CTNND1: variants seen among roughly 807,000 people sequenced by gnomAD.
CTNND1 encodes the protein catenin delta-1.
A neutral mutation model predicts 112.1 loss-of-function variants in CTNND1; 16 were observed. That is an observed-to-expected ratio of 0.14 (90% CI 0.10 to 0.22). CTNND1 has a LOEUF of 0.22. Ranked by LOEUF, CTNND1 falls within the 10% of genes least tolerant of loss-of-function variation. The pLI, the probability that CTNND1 is intolerant of heterozygous loss-of-function variation, is 1.00. For synonymous variants in CTNND1, 420 were observed against 446.5 expected, an observed-to-expected ratio of 0.94 and a Z score of 0.75; for missense variants, 1,008 against 1,257.0, an observed-to-expected ratio of 0.80 and a Z score of 3.00.
intron 1 of CTNND1, among the ~76,000 whole-genome samples, chr11:57,765,460 A>ATTTTTTTT (rs5792061): frequency 1.9e-5 from 2 of 105,598 alleles, no homozygotes; most frequent in African/African-American, 3.5e-5. Flanking sequence ...TCCTCCCTTA[A>ATTTTTTTT]TTTTTTTTTT....
At chr11:57,813,333 C>T (rs2063587544) in intron 17 of CTNND1, among the ~76,000 whole-genome samples, 1 of 152,080 alleles carries the variant, frequency 6.6e-6, no homozygotes, top group African/African-American at 2.4e-5. Flanking sequence ...TCAAAAAATA[C>T]ATGATTAAAA....
chr11:57,807,005 C>G, intron 12 of CTNND1, 22 bp downstream of exon 12: 5 of 1,555,886 alleles, frequency 3.2e-6, no homozygotes, highest in Non-Finnish European at 4.4e-6. Flanking sequence ...TCTCAGTCTC[C>G]AAAGGTCTCA....
chr11:57,776,192 C>T (rs572246611), intron 1 of CTNND1, among the ~76,000 whole-genome samples: 5 of 152,212 alleles, frequency 3.3e-5, no homozygotes, highest in African/African-American at 1.2e-4. Context: ...ACTGACCAGT[C>T]AATTGTATTA....
intron 1 of CTNND1, among the ~76,000 whole-genome samples, chr11:57,771,124 G>A (rs938285887): frequency 6.6e-6 from 1 of 151,598 alleles, no homozygotes; most frequent in Non-Finnish European, 1.5e-5. Flanking sequence ...TATAGAAAAA[G>A]AAAAGAAAGT....
At chr11:57,810,664 G>T (rs2063230267) in intron 16 of CTNND1, among the ~76,000 whole-genome samples, 2 of 151,694 alleles carry the variant, frequency 1.3e-5, no homozygotes, top group Admixed American at 1.3e-4. Context: ...TCTTAATTAG[G>T]AATTATTTGG....
chr11:57,794,694 A>C (rs950093967), intron 4 of CTNND1, among the ~76,000 whole-genome samples: 1 of 151,840 alleles, frequency 6.6e-6, no homozygotes, highest in Non-Finnish European at 1.5e-5. Context: ...CTGAGGCAGG[A>C]GAATTGCTTG....
chr11:57,816,130 T>C, intron 20 of CTNND1, 129 bp downstream of exon 20: 1 of 1,144,608 alleles, frequency 8.7e-7, no homozygotes, highest in Non-Finnish European at 1.3e-6. Flanking sequence ...GCTCGAGGGG[T>C]TCTGCTTTTG....
chr11:57,782,306 G>A (rs2059662882), intron 1 of CTNND1, among the ~76,000 whole-genome samples: 2 of 152,102 alleles, frequency 1.3e-5, no homozygotes, highest in Non-Finnish European at 2.9e-5. Flanking sequence ...GAGATTCCTG[G>A]TGGACACCTA....
chr11:57,807,627 A>AAAAAAAAAAAAAAG (rs1565367494), intron 12 of CTNND1, among the ~76,000 whole-genome samples: 2 of 141,340 alleles, frequency 1.4e-5, no homozygotes, highest in Admixed American at 7.1e-5. Context: ...AAAAAAAAAA[A>AAAAAAAAAAAAAAG]AAAAGAAAAG....
At position 57,801,929 on chromosome 11, in the gene CTNND1, A is replaced by G. The variant is rs754209496; in HGVS notation, c.1153A>G (p.Asn385Asp). The G allele has an allele frequency of 6.2e-7, 1 of 1,614,042 alleles. No individual in the cohort carries two copies. Among genetic ancestry groups the G allele is most frequent in the Non-Finnish European group, 8.5e-7 (1 of 1,179,908 alleles). ...ATTCCGCTTGGATGCTGTCAAGTCC[A>G]ATGCAGCTGCATACCTGCAACACTT... ...LGFRLDAVKS[N>D]AAAYLQHLCY... Residue 385 changes from asparagine (N) to aspartate (D), a missense_variant, in exon 7 of 21, where the codon AAT (asparagine) becomes GAT (aspartate). Asn to Asp is a conservative substitution (Grantham distance 23). Transcript: ENST00000399050.
At chr11:57,793,396 G>T (rs1326994252) in intron 3 of CTNND1, among the ~76,000 whole-genome samples, 1 of 152,116 alleles carries the variant, frequency 6.6e-6, no homozygotes, top group African/African-American at 2.4e-5. Flanking sequence ...GGGGAGTTGG[G>T]GTGCTTGTTT....
At chr11:57,786,350 G>A (rs1453723538) in intron 1 of CTNND1, among the ~76,000 whole-genome samples, 6 of 152,108 alleles carry the variant, frequency 3.9e-5, no homozygotes, top group African/African-American at 9.6e-5. Context: ...TGGCTGACAC[G>A]GTGAAACCCC....
At chr11:57,791,906 C>T (rs370389062) in intron 3 of CTNND1, among the ~76,000 whole-genome samples, 58 of 152,216 alleles carry the variant, frequency 3.8e-4, no homozygotes, top group East Asian at 1.2e-3. Context: ...TCCTGTTTTG[C>T]TGGAGTAGGT....
chr11:57,796,897 T>C lies in CTNND1; in HGVS notation c.861T>C (p.Arg287=), dbSNP rs751839266. ...PEPYGLEDDQ[R]SMGYDDLDYG... ...CTTATGGGCTAGAGGATGACCAGCG[T>C]AGTATGGGCTATGATGACCTGGATT... is the stretch of plus-strand genomic sequence containing the variant. Residue 287 remains arginine, a synonymous_variant, in exon 6 of 21, where the codon CGT becomes CGC. Transcript: ENST00000399050. 6.2e-7 allele frequency: 1 copy of C among 1,602,762 alleles called. No homozygotes were observed. Among genetic ancestry groups the C allele is most frequent in the Middle Eastern group, 1.7e-4 (1 of 5,998 alleles).
chr11:57,768,874 C>G (rs10792110), intron 1 of CTNND1, among the ~76,000 whole-genome samples: 38 of 151,908 alleles, frequency 2.5e-4, no homozygotes, highest in Non-Finnish European at 4.6e-4. Context: ...TAGAAACTTG[C>G]GGGTTTATTC....
At chr11:57,781,881 C>T (rs1565301208) in intron 1 of CTNND1, among the ~76,000 whole-genome samples, 1 of 152,100 alleles carries the variant, frequency 6.6e-6, no homozygotes. Context: ...GAGAGCCACA[C>T]CCTTCCTTGG....
intron 6 of CTNND1, among the ~76,000 whole-genome samples, chr11:57,800,825 G>A (rs1348298633): frequency 1.3e-5 from 2 of 152,166 alleles, no homozygotes; most frequent in Admixed American, 1.3e-4. Flanking sequence ...CTTCCTTCCT[G>A]GTAGTTACGA....
intron 1 of CTNND1, among the ~76,000 whole-genome samples, chr11:57,769,892 A>T (rs1040491987): frequency 6.6e-6 from 1 of 151,972 alleles, no homozygotes; most frequent in African/African-American, 2.4e-5. Context: ...TTCTTGATTA[A>T]TTACTCATTT....
At chr11:57,764,619 A>G (rs535278376) in intron 1 of CTNND1, among the ~76,000 whole-genome samples, 3 of 152,174 alleles carry the variant, frequency 2.0e-5, no homozygotes, top group Non-Finnish European at 4.4e-5. Flanking sequence ...TGCATAAACT[A>G]TTAATTTCCC....
Sources: allele counts gnomAD v4.1 joint callset (sites outside exome capture counted in the v4.1 genomes callset), GRCh38; gene constraint gnomAD v4.1.1; transcripts MANE v1.5; gene names NCBI Gene and HGNC (gene_info 2026-07-23, HGNC 2026-07-21).